CDC14B: variants seen among roughly 807,000 people sequenced by gnomAD.
CDC14B encodes cell division cycle 14B, also known as dual specificity protein phosphatase CDC14B.
Under a neutral mutation model 64.2 loss-of-function variants are expected in CDC14B, and 22 were observed. That is an observed-to-expected ratio of 0.34 (90% CI 0.24 to 0.49). The LOEUF is 0.49. CDC14B is among the 20% of genes least tolerant of loss of function. CDC14B has a pLI of 0.99. For missense variants in CDC14B, 498 were observed against 629.9 expected, an observed-to-expected ratio of 0.79 and a Z score of 2.24; for synonymous variants, 191 against 215.8, an observed-to-expected ratio of 0.89 and a Z score of 1.01.
At chr9:96,520,181 T>G (rs1241616391) in intron 12 of CDC14B, among the ~76,000 whole-genome samples, 2 of 152,212 alleles carry the variant, frequency 1.3e-5, no homozygotes, top group Admixed American at 6.5e-5. Flanking sequence ...CTCGGGTCTA[T>G]ACACATAACT....
chr9:96,565,132 G>A (rs761916963), intron 2 of CDC14B, among the ~76,000 whole-genome samples: 1 of 151,740 alleles, frequency 6.6e-6, no homozygotes, highest in Non-Finnish European at 1.5e-5. Context: ...ATTTCCAAGG[G>A]CAAAACCACA....
rs143581158 is a variant in CDC14B at position 96,569,860 on chromosome 9, T to C, written c.161-4377A>G. 4.5e-3 allele frequency among the ~76,000 whole-genome samples: 683 copies of C among 152,214 alleles called. 2 individuals carry two copies. Among genetic ancestry groups the C allele is most frequent in the Admixed American group, 8.3e-3 (127 of 15,304 alleles). On this transcript the variant is annotated intron_variant, in intron 1 of 13. Coordinates refer to ENST00000375241, the MANE Select transcript of CDC14B (RefSeq NM_033331.4). ...GCCTCGGCCTCCCAATGTGCTGGGA[T>C]TGTAGGCATGAGCCACCGCGCCTGG...
At chr9:96,600,010 A>G (rs1846328761) in intron 1 of CDC14B, among the ~76,000 whole-genome samples, 1 of 152,068 alleles carries the variant, frequency 6.6e-6, no homozygotes, top group South Asian at 2.1e-4. Context: ...GATTACAGGC[A>G]TGAGCCACCA....
intron 7 of CDC14B, among the ~76,000 whole-genome samples, chr9:96,536,764 G>A (rs1391844632): frequency 6.6e-6 from 1 of 152,166 alleles, no homozygotes; most frequent in Non-Finnish European, 1.5e-5. Context: ...CCAGTGCTGG[G>A]GAGCAAGTCT....
At chr9:96,560,759 C>CTTTTTTT (rs369325680) in intron 4 of CDC14B, among the ~76,000 whole-genome samples, 1 of 132,458 alleles carries the variant, frequency 7.5e-6, no homozygotes, top group African/African-American at 2.8e-5. Flanking sequence ...ACTACTCAAA[C>CTTTTTTT]TTTTTTTTTT....
chr9:96,578,368 G>A (rs906511238), intron 1 of CDC14B, among the ~76,000 whole-genome samples: 4 of 152,164 alleles, frequency 2.6e-5, no homozygotes, highest in South Asian at 2.1e-4. Flanking sequence ...CTGGACTTAG[G>A]TGACTTGTTT....
chr9:96,610,892 T>G (rs2119013947), intron 1 of CDC14B, among the ~76,000 whole-genome samples: 1 of 152,084 alleles, frequency 6.6e-6, no homozygotes, highest in Non-Finnish European at 1.5e-5. Context: ...TCAACTTAAG[T>G]CATAAACATA....
rs992079205 is a variant in CDC14B at position 96,522,175 on chromosome 9, C to T, written c.1343+331G>A. ...GCAACATGGCAAATGTAAAGAAATA[C>T]ACCACTTTAGTAACTATGGACAAGT... On this transcript the variant is annotated intron_variant, in intron 12 of 13. Coordinates refer to ENST00000375241, the MANE Select transcript of CDC14B (RefSeq NM_033331.4). 2.0e-5 allele frequency among the ~76,000 whole-genome samples: 3 copies of T among 152,152 alleles called. No homozygotes were observed. In the South Asian group the frequency reaches 6.2e-4, roughly 31 times the overall value.
intron 1 of CDC14B, among the ~76,000 whole-genome samples, chr9:96,606,966 G>A (rs1846987767): frequency 1.3e-5 from 2 of 151,846 alleles, no homozygotes; most frequent in African/African-American, 2.4e-5. Context: ...CACAGGAAAT[G>A]GAGGCTGCTA....
intron 4 of CDC14B, among the ~76,000 whole-genome samples, chr9:96,560,207 G>C (rs1345279824): frequency 3.3e-5 from 5 of 152,156 alleles, no homozygotes; most frequent in Non-Finnish European, 5.9e-5. Context: ...TCTGACCAGA[G>C]ACAGCAATTG....
rs561616677 is a variant in CDC14B, at chr9:96,598,460, C to T, written c.160+20759G>A. Among the ~76,000 whole-genome samples, 14 of 152,220 alleles carry T rather than the reference C, an allele frequency of 9.2e-5. No individual in the cohort carries two copies. The South Asian group carries it at 2.5e-3, about 27-fold the overall frequency. On this transcript the variant is annotated intron_variant, in intron 1 of 13. Transcript: ENST00000375241. ...CATGTCATTCGCCTGCCTCAGCCTCCCCAGTAGCTGGGATTACAGGCGCCT... is the reference window on the plus strand; with the variant it reads ...CATGTCATTCGCCTGCCTCAGCCTCTCCAGTAGCTGGGATTACAGGCGCCT...
At chr9:96,601,519 C>T (rs1340673401) in intron 1 of CDC14B, among the ~76,000 whole-genome samples, 2 of 147,612 alleles carry the variant, frequency 1.4e-5, no homozygotes, top group African/African-American at 2.5e-5. Context: ...ACAAAAGGGC[C>T]GGGCGTGGCA....
chr9:96,543,410 A>G (rs781115438), intron 5 of CDC14B, among the ~76,000 whole-genome samples: 1 of 152,086 alleles, frequency 6.6e-6, no homozygotes, highest in Admixed American at 6.6e-5. Context: ...TTGAGATTAC[A>G]GGTGTAAACA....
At chr9:96,570,038 T>C (rs1038958872) in intron 1 of CDC14B, among the ~76,000 whole-genome samples, 1 of 152,134 alleles carries the variant, frequency 6.6e-6, no homozygotes, top group Non-Finnish European at 1.5e-5. Flanking sequence ...TCGCACCACA[T>C]CATCACTACT....
intron 6 of CDC14B, among the ~76,000 whole-genome samples, chr9:96,539,572 C>T (rs967934764): frequency 6.6e-6 from 1 of 152,162 alleles, no homozygotes; most frequent in African/African-American, 2.4e-5. Context: ...AATCCATGTG[C>T]TAGTTTATCC....
downstream of CDC14B, among the ~76,000 whole-genome samples, chr9:96,497,806 A>G (rs913584016): frequency 6.6e-6 from 1 of 152,056 alleles, no homozygotes; most frequent in African/African-American, 2.4e-5. Context: ...TGCCATCCCC[A>G]TTTCAGAGAA....
chr9:96,551,469 T>G (rs1158968888), intron 5 of CDC14B, among the ~76,000 whole-genome samples: 1 of 152,054 alleles, frequency 6.6e-6, no homozygotes, highest in African/African-American at 2.4e-5. Context: ...TAGGGAGATT[T>G]TGCTCTCCAT....
intron 1 of CDC14B, among the ~76,000 whole-genome samples, chr9:96,583,064 T>C (rs1845251790): frequency 6.6e-6 from 1 of 152,136 alleles, no homozygotes; most frequent in Non-Finnish European, 1.5e-5. Flanking sequence ...CCAGAAATAA[T>C]ACAGTAGCTC....
intron 1 of CDC14B, among the ~76,000 whole-genome samples, chr9:96,605,515 G>T (rs995847640): frequency 6.6e-6 from 1 of 152,114 alleles, no homozygotes; most frequent in Non-Finnish European, 1.5e-5. Context: ...GTAGTAACCT[G>T]CCTGATAATG....
Sources: allele counts gnomAD v4.1 joint callset (sites outside exome capture counted in the v4.1 genomes callset), GRCh38; gene constraint gnomAD v4.1.1; transcripts MANE v1.5; gene names NCBI Gene and HGNC (gene_info 2026-07-23, HGNC 2026-07-21).